The following DEPDC5 variants were observed in gnomAD, a reference collection of about 807,000 sequenced individuals.
DEPDC5 encodes the protein GATOR1 complex protein DEPDC5.
A neutral mutation model predicts 217.3 loss-of-function variants in DEPDC5; 73 were observed. The observed-to-expected ratio is 0.34, with a 90% CI of 0.28 to 0.41. The LOEUF (loss-of-function observed/expected upper bound fraction) is 0.41, where lower values mean the gene tolerates loss of function less well. DEPDC5 is among the 10% of genes least tolerant of loss of function. The pLI, the probability that DEPDC5 is intolerant of heterozygous loss-of-function variation, is 1.00. For missense variants in DEPDC5, 1,675 were observed against 2,070.1 expected, an observed-to-expected ratio of 0.81 and a Z score of 3.70; for synonymous variants, 733 against 756.7, an observed-to-expected ratio of 0.97 and a Z score of 0.51.
chr22:31,844,463 C>T (rs1569086087), intron 29 of DEPDC5, among the ~76,000 whole-genome samples: 1 of 152,106 alleles, frequency 6.6e-6, no homozygotes, highest in Non-Finnish European at 1.5e-5. Flanking sequence ...AAAAAACAAA[C>T]CCCATGAAGC....
intron 41 of DEPDC5, among the ~76,000 whole-genome samples, chr22:31,904,509 G>A (rs770039806): frequency 3.3e-5 from 5 of 152,202 alleles, no homozygotes; most frequent in Admixed American, 6.5e-5. Flanking sequence ...TTGGGAGGCC[G>A]AAGCAGGCGG....
At chr22:31,791,497 T>C (rs970710622) in intron 10 of DEPDC5, among the ~76,000 whole-genome samples, 6 of 150,374 alleles carry the variant, frequency 4.0e-5, no homozygotes, top group African/African-American at 1.5e-4. Context: ...ATTACCCAGG[T>C]GGCCCACCTG....
chr22:31,762,622 G>A (rs1341536934), intron 4 of DEPDC5, among the ~76,000 whole-genome samples: 10 of 152,032 alleles, frequency 6.6e-5, no homozygotes, highest in Non-Finnish European at 1.5e-4. Context: ...AATTAGCCAG[G>A]CATTGTGGCG....
At chr22:31,818,699 A>G (rs1378494918) in intron 21 of DEPDC5, among the ~76,000 whole-genome samples, 2 of 152,120 alleles carry the variant, frequency 1.3e-5, no homozygotes, top group African/African-American at 4.8e-5. Context: ...CCCAAGGGAG[A>G]CAACTCAAGT....
At chr22:31,792,953 C>A (rs1473696168) in intron 12 of DEPDC5, 136 bp downstream of exon 12, 8 of 605,262 alleles carry the variant, frequency 1.3e-5, no homozygotes, top group African/African-American at 1.0e-4. Context: ...TCTTGTGGTC[C>A]CAGCTACTTG....
chr22:31,800,969 C>T (rs868367509), intron 14 of DEPDC5, among the ~76,000 whole-genome samples: 30 of 149,690 alleles, frequency 2.0e-4, no homozygotes, highest in African/African-American at 6.6e-4. Flanking sequence ...GAAAAAGACA[C>T]TATCTCAAAA....
intron 38 of DEPDC5, chr22:31,890,411 A>T (rs1239682106): frequency 1.3e-5 from 2 of 152,170 alleles, no homozygotes; most frequent in African/African-American, 4.8e-5. Context: ...ACCATATATC[A>T]TCATACAAAA....
chr22:31,826,482 A>G (rs545650526), intron 24 of DEPDC5: 9 of 433,636 alleles, frequency 2.1e-5, no homozygotes, highest in East Asian at 8.3e-5. Flanking sequence ...TTGCATAGAT[A>G]GGTTCCTCTC....
chr22:31,798,595 A>G lies in DEPDC5; in HGVS notation c.885A>G (p.Gln295=), dbSNP rs16989495. Residue 295 remains glutamine (Q), a synonymous_variant, in exon 14 of 43, where the codon CAA becomes CAG. Transcript: ENST00000651528. The part of the protein sequence containing the change: ...VRLEQAEGFP[Q]GDNSTSAQGN... ...ATTTTGCTTCAGAGGGCTTTCCTCA[A>G]GGAGATAATTCTACCTCAGCACAAG... 55,572 of 1,610,742 alleles carry G rather than the reference A, an allele frequency of 0.035. 1,124 individuals carry two copies. The highest frequency in any genetic ancestry group is 0.056 in the South Asian group (5,128 of 91,014).
intron 32 of DEPDC5, among the ~76,000 whole-genome samples, chr22:31,860,513 G>GT (rs1569133500): frequency 2.0e-5 from 3 of 152,130 alleles, no homozygotes; most frequent in Non-Finnish European, 4.4e-5. Flanking sequence ...AGGAAAGAGG[G>GT]TACTACTTAA....
chr22:31,840,418 G>C (rs368286222), intron 27 of DEPDC5, among the ~76,000 whole-genome samples: 1 of 152,210 alleles, frequency 6.6e-6, no homozygotes, highest in Non-Finnish European at 1.5e-5. Flanking sequence ...TAAGCCGGAG[G>C]TGCAGCCAGA....
chr22:31,854,274 GCA>G, intron 31 of DEPDC5, among the ~76,000 whole-genome samples: 1 of 152,312 alleles, frequency 6.6e-6, no homozygotes, highest in East Asian at 1.9e-4. Flanking sequence ...CAGTGCATCA[GCA>G]TATAGCAGGT....
intron 18 of DEPDC5, 120 bp from the exon 19 acceptor site, chr22:31,809,491 T>G (rs995897265): frequency 2.8e-6 from 3 of 1,055,668 alleles, no homozygotes; most frequent in East Asian, 2.5e-5. Flanking sequence ...AGATGTTAGC[T>G]CCTGCCTTTC....
At chr22:31,812,279 C>A (rs62238909) in intron 20 of DEPDC5, among the ~76,000 whole-genome samples, 10,487 of 152,044 alleles carry the variant, frequency 0.069, 391 homozygotes, top group Non-Finnish European at 0.083. Flanking sequence ...GAATGAGCCA[C>A]CGCACCCGGC....
At chr22:31,878,620 G>C (rs894551892) in intron 37 of DEPDC5, among the ~76,000 whole-genome samples, 1 of 152,044 alleles carries the variant, frequency 6.6e-6, no homozygotes, top group Non-Finnish European at 1.5e-5. Flanking sequence ...AGCTGAAATG[G>C]GAGGATTGCT....
chr22:31,776,688 C>T (rs2083894783), intron 7 of DEPDC5, among the ~76,000 whole-genome samples: 1 of 149,520 alleles, frequency 6.7e-6, no homozygotes, highest in South Asian at 2.1e-4. Flanking sequence ...GTGATTCTGC[C>T]TCAGCTTCCT....
At chr22:31,807,118 G>A (rs573941356) in intron 18 of DEPDC5, among the ~76,000 whole-genome samples, 8 of 152,230 alleles carry the variant, frequency 5.3e-5, no homozygotes, top group South Asian at 2.1e-4. Context: ...TATATCACAT[G>A]CTACAAAAAG....
intron 31 of DEPDC5, 41 bp from the exon 32 acceptor site, chr22:31,857,404 G>T (rs758889402): frequency 2.8e-5 from 43 of 1,530,720 alleles, no homozygotes; most frequent in Non-Finnish European, 3.6e-5. Context: ...TCACCAGGGA[G>T]CTCTGAGCAA....
Position 31,754,870 on chromosome 22 carries a change from G to A in DEPDC5, c.-52G>A. The A allele has an allele frequency of 6.2e-7, 1 of 1,601,178 alleles. No individual in the cohort carries two copies. The highest frequency in any genetic ancestry group is 1.1e-5 in the South Asian group (1 of 90,308). The stretch of plus-strand genomic sequence containing the variant: ...TTGTATTTCTGTGGCAGGGAGGCAA[G>A]ATGACTTCTCTGCCCCAAGCTTGGA... On this transcript the variant is annotated 5_prime_UTR_variant, in exon 2 of 43. Transcript: ENST00000651528.
Sources: gnomAD v4.1 joint callset for allele counts (sites outside exome capture counted in the v4.1 genomes callset) on GRCh38, gnomAD v4.1.1 for gene constraint, MANE v1.5 for transcripts, NCBI Gene and HGNC (gene_info 2026-07-23, HGNC 2026-07-21) for gene names.